The following RGSL1 variants were observed in gnomAD, a reference collection of about 807,000 sequenced individuals.
The protein encoded by RGSL1 is regulator of G protein signaling like 1.
Under a neutral mutation model 124.7 loss-of-function variants are expected in RGSL1, and 97 were observed. That is an observed-to-expected ratio of 0.78 (90% confidence interval 0.66 to 0.92). RGSL1 has a LOEUF of 0.92. Ranked by LOEUF, RGSL1 falls within the 40% of genes least tolerant of loss-of-function variation. The pLI, the probability that RGSL1 is intolerant of heterozygous loss-of-function variation, is 0.00. For synonymous variants in RGSL1, 424 were observed against 438.1 expected (o/e 0.97, Z 0.40); for missense variants, 1,233 against 1,288.4 (o/e 0.96, Z 0.66).
chr1:182,450,799 T>G (rs1651750834), intron 1 of RGSL1, among the ~76,000 whole-genome samples: 1 of 152,174 alleles, frequency 6.6e-6, no homozygotes, highest in Non-Finnish European at 1.5e-5. Flanking sequence ...ATATACTCAT[T>G]CAACAAATCC....
intron 4 of RGSL1, among the ~76,000 whole-genome samples, chr1:182,465,167 G>A (rs941475593): frequency 6.7e-6 from 1 of 150,102 alleles, no homozygotes; most frequent in African/African-American, 2.5e-5. Flanking sequence ...CTGAACAATT[G>A]TACACCAACA....
intron 1 of RGSL1, among the ~76,000 whole-genome samples, chr1:182,453,186 G>C (rs1294078659): frequency 6.6e-6 from 1 of 152,170 alleles, no homozygotes; most frequent in African/African-American, 2.4e-5. Context: ...TAAGTATGTT[G>C]CATGATCAAA....
Position 182,493,003 on chromosome 1 carries a change from G to GC in RGSL1, c.1718-19_1718-18insC, listed in dbSNP as rs745607874. 8.7e-6 allele frequency: 13 copies of GC among 1,492,028 alleles called. No individual in the cohort carries two copies. In the South Asian group the frequency reaches 1.6e-4, roughly 18 times the overall value. The allele number at this position is 1,492,028 out of a possible 1,614,324, so 92.4% of individuals were successfully genotyped here. ...CTTTGGACAACTAAACTCTATCTCTGTTTTTCCTTACTTCACAGACATAAC... is the reference window on the plus strand; with the variant it reads ...CTTTGGACAACTAAACTCTATCTCTGCTTTTTCCTTACTTCACAGACATAAC... On this transcript the variant is annotated intron_variant, in intron 8 of 21. Coordinates refer to ENST00000294854, the MANE Select transcript of RGSL1 (RefSeq NM_001137669.2).
upstream of RGSL1, chr1:182,448,265 G>T (rs564250586): frequency 2.6e-5 from 4 of 152,338 alleles, no homozygotes; most frequent in Non-Finnish European, 5.9e-5. Context: ...TCTGTTGCCC[G>T]GGCTGGGGTG....
At chr1:182,544,947 C>G (rs1660118678) in intron 15 of RGSL1, among the ~76,000 whole-genome samples, 1 of 151,960 alleles carries the variant, frequency 6.6e-6, no homozygotes, top group South Asian at 2.1e-4. Flanking sequence ...ATCCATTCAG[C>G]CACTATATGT....
At chr1:182,517,855 TCACCATCTC>T (rs1470740800) in intron 9 of RGSL1, among the ~76,000 whole-genome samples, 1 of 152,242 alleles carries the variant, frequency 6.6e-6, no homozygotes, top group African/African-American at 2.4e-5. Flanking sequence ...AGCTCACATA[TCACCATCTC>T]CTTAGTGTTA....
intron 9 of RGSL1, among the ~76,000 whole-genome samples, chr1:182,502,149 C>G (rs2102151892): frequency 6.6e-6 from 1 of 152,160 alleles, no homozygotes; most frequent in South Asian, 2.1e-4. Context: ...TAAATGTTTG[C>G]CAATTTTGTT....
chr1:182,462,587 T>C (rs528647260), intron 4 of RGSL1, among the ~76,000 whole-genome samples: 1 of 152,352 alleles, frequency 6.6e-6, no homozygotes, highest in African/African-American at 2.4e-5. Flanking sequence ...AATGTAACTT[T>C]GGTTGGTAAC....
intron 9 of RGSL1, among the ~76,000 whole-genome samples, chr1:182,508,753 A>G: frequency 7.6e-6 from 1 of 131,548 alleles, no homozygotes; most frequent in Non-Finnish European, 1.6e-5. Context: ...TGGCAGGGTC[A>G]TGGGACAATA....
chr1:182,499,116 T>C (rs915930771), intron 9 of RGSL1, among the ~76,000 whole-genome samples: 9 of 152,188 alleles, frequency 5.9e-5, no homozygotes, highest in African/African-American at 2.2e-4. Context: ...TTTTAGAGTA[T>C]GTGCCATGTG....
At chr1:182,541,943 G>T (rs181886843) in intron 15 of RGSL1, among the ~76,000 whole-genome samples, 6 of 152,164 alleles carry the variant, frequency 3.9e-5, no homozygotes, top group Admixed American at 3.3e-4. Flanking sequence ...TTTTGTTATT[G>T]AGATGTTTGA....
chr1:182,509,346 G>A (rs1290563953), intron 9 of RGSL1, among the ~76,000 whole-genome samples: 1 of 32,806 alleles, frequency 3.0e-5, no homozygotes, highest in East Asian at 4.6e-4. Context: ...CGGACGGGGC[G>A]GCTGGCCGGG....
chr1:182,526,469 A>G (rs1343259413), intron 10 of RGSL1, among the ~76,000 whole-genome samples: 1 of 151,956 alleles, frequency 6.6e-6, no homozygotes, highest in African/African-American at 2.4e-5. Flanking sequence ...GGAGTTTAAC[A>G]CAAGCCTGGG....
intron 6 of RGSL1, among the ~76,000 whole-genome samples, chr1:182,486,558 G>T (rs1655111945): frequency 6.6e-6 from 1 of 151,880 alleles, no homozygotes; most frequent in Non-Finnish European, 1.5e-5. Flanking sequence ...ATGTTGCCCA[G>T]GCTGGTCTCA....
intron 15 of RGSL1, among the ~76,000 whole-genome samples, chr1:182,545,126 T>A (rs1660129763): frequency 6.6e-6 from 1 of 152,188 alleles, no homozygotes; most frequent in African/African-American, 2.4e-5. Context: ...GTATTTTAAT[T>A]CATTGCTTTT....
intron 14 of RGSL1, among the ~76,000 whole-genome samples, chr1:182,538,330 C>T (rs1463678578): frequency 6.6e-6 from 1 of 151,990 alleles, no homozygotes; most frequent in Admixed American, 6.6e-5. Context: ...GTGTTCGAGA[C>T]CAGCCTGACC....
Position 182,482,093 on chromosome 1 carries a change from A to G in RGSL1, c.1432-6192A>G, listed in dbSNP as rs998194519. Reference sequence around the variant, plus strand: ...AGGATGGCTTGACCTATGCAAATCAATCACTGTGATGCAACTCATTAACAG... The same window carrying G: ...AGGATGGCTTGACCTATGCAAATCAGTCACTGTGATGCAACTCATTAACAG... On this transcript the variant is annotated intron_variant, in intron 6 of 21. Coordinates refer to ENST00000294854, the MANE Select transcript of RGSL1 (RefSeq NM_001137669.2). Among the ~76,000 whole-genome samples the G allele has an allele frequency of 1.2e-4, 18 of 152,348 alleles. 1 individual carries two copies. The East Asian group carries it at 3.3e-3, about 28-fold the overall frequency.
chr1:182,544,503 C>T (rs1660087276), intron 15 of RGSL1, among the ~76,000 whole-genome samples: 2 of 151,818 alleles, frequency 1.3e-5, no homozygotes, highest in African/African-American at 4.8e-5. Context: ...GTCAGTTAGG[C>T]CTATTTGGTG....
At chr1:182,479,465 A>G (rs1236383631) in intron 6 of RGSL1, among the ~76,000 whole-genome samples, 1 of 152,212 alleles carries the variant, frequency 6.6e-6, no homozygotes, top group Non-Finnish European at 1.5e-5. Context: ...TGTTTAATGC[A>G]AGGTTCATGG....
Sources: allele counts gnomAD v4.1 joint callset (sites outside exome capture counted in the v4.1 genomes callset), GRCh38; gene constraint gnomAD v4.1.1; transcripts MANE v1.5; gene names NCBI Gene and HGNC (gene_info 2026-07-23, HGNC 2026-07-21).